ITGB8: variants seen among roughly 807,000 people sequenced by gnomAD.
ITGB8 encodes integrin subunit beta 8.
Under a neutral mutation model 89.5 loss-of-function variants are expected in ITGB8, and 30 were observed. That is an observed-to-expected ratio of 0.34 (90% CI 0.25 to 0.45). The LOEUF is 0.45. Ranked by LOEUF, ITGB8 falls within the 20% of genes least tolerant of loss-of-function variation. The pLI is 1.00. For synonymous variants in ITGB8, 335 were observed against 320.4 expected (o/e 1.05, Z -0.49); for missense variants, 836 against 933.3 (o/e 0.90, Z 1.36).
chr7:20,400,668 G>C (rs1212970232), intron 9 of ITGB8, among the ~76,000 whole-genome samples: 1 of 152,152 alleles, frequency 6.6e-6, no homozygotes, highest in African/African-American at 2.4e-5. Context: ...AATCAATTGT[G>C]TTGTGCAAAA....
At position 20,367,320 on chromosome 7, in the gene ITGB8, A is replaced by T. The variant is rs913791705; in HGVS notation, c.388+134A>T. ...AACCACAGTGGACTCAGAATCAAGA[A>T]ATTAGAATTCTAGTCTTTATAGTGC... On this transcript the variant is annotated intron_variant, in intron 3 of 13. Transcript: ENST00000222573. 4.2e-6 allele frequency: 3 copies of T among 713,142 alleles called. No homozygotes were observed. In the African/African-American group the frequency reaches 5.4e-5, roughly 13 times the overall value. 44.2% of individuals were successfully genotyped at this position (713,142 alleles called of 1,614,324 possible).
rs762991609 is a variant in ITGB8, at chr7:20,379,207, G to A, written c.545G>A (p.Arg182His). The change falls in exon 4 of 14, where the codon CGT becomes CAT. Residue 182 changes from arginine (R) to histidine (H), a missense_variant. Arg to His is a conservative substitution (Grantham distance 29). Transcript: ENST00000222573. ...DLSRKMAFFS[R>H]DFRLGFGSYV... ...TCTAGAAAAATGGCATTTTTCTCCC[G>A]TGACTTTCGTCTTGGATTTGGCTCA... 74 of 1,611,506 alleles carry A rather than the reference G, an allele frequency of 4.6e-5. No individual in the cohort carries two copies. Among genetic ancestry groups the A allele is most frequent in the Middle Eastern group, 1.6e-4 (1 of 6,076 alleles).
intron 1 of ITGB8, among the ~76,000 whole-genome samples, chr7:20,342,496 GA>G: frequency 6.6e-6 from 1 of 152,258 alleles, no homozygotes; most frequent in East Asian, 1.9e-4. Flanking sequence ...TGGTCTAAAT[GA>G]GTTGGTTACA....
At chr7:20,395,411 A>T (rs1224180757) in intron 8 of ITGB8, among the ~76,000 whole-genome samples, 1 of 152,250 alleles carries the variant, frequency 6.6e-6, no homozygotes, top group Non-Finnish European at 1.5e-5. Flanking sequence ...TATTAAGAGG[A>T]GTCGGTTGGG....
rs776893836 is a variant in ITGB8, at chr7:20,398,988, T to A, written c.1275T>A (p.Asn425Lys). 1.2e-6 allele frequency: 2 copies of A among 1,613,212 alleles called. No individual in the cohort carries two copies. Among genetic ancestry groups the A allele is most frequent in the Non-Finnish European group, 1.7e-6 (2 of 1,179,644 alleles). ...GMEGCRNVTSNDEVLFNVTVT... is the reference protein window; with the variant it reads ...GMEGCRNVTSKDEVLFNVTVT... The stretch of plus-strand genomic sequence containing the variant: ...AAGGATGCAGAAACGTGACGAGCAA[T>A]GATGAAGTATGTGGGTGTGCATTTT... Residue 425 changes from asparagine to lysine, a missense_variant, in exon 9 of 14, where the codon AAT becomes AAA. Physicochemically the swap from Asn to Lys is moderately conservative, Grantham distance 94. Transcript: ENST00000222573.
At position 20,407,710 on chromosome 7, in the gene ITGB8, C is replaced by T. The variant is rs533721553; in HGVS notation, c.2023+1539C>T. ...CAAGTGCCTTTCTAATAAATAGGGC[C>T]TTACTATCAACATGTCATTTATTAT... On this transcript the variant is annotated intron_variant, in intron 12 of 13. Transcript: ENST00000222573. Among the ~76,000 whole-genome samples, 13 of 152,280 alleles carry T rather than the reference C, an allele frequency of 8.5e-5. No individual in the cohort carries two copies. The South Asian group carries it at 1.9e-3, about 22-fold the overall frequency.
At position 20,414,884 on chromosome 7, in the gene ITGB8, C is replaced by A. The variant is rs1272864562; in HGVS notation, c.*4887C>A. On this transcript the variant is annotated 3_prime_UTR_variant, in exon 14 of 14. Transcript: ENST00000222573. ...ACTCTATTAATCAGGTTTCTTCTAG[C>A]CTCTGCAACCTACTTCAGTTAGAAT... The A allele has an allele frequency of 6.6e-6, 1 of 152,456 alleles. No individual in the cohort carries two copies. Among genetic ancestry groups the A allele is most frequent in the African/African-American group, 2.4e-5 (1 of 41,402 alleles). 9.4% of individuals were successfully genotyped at this position (152,456 alleles called of 1,614,324 possible). A position where few individuals can be genotyped will look rare whatever the true frequency, so the allele number is the denominator to read the frequency against.
At chr7:20,388,758 G>C (rs1786734002) in intron 6 of ITGB8, among the ~76,000 whole-genome samples, 1 of 151,944 alleles carries the variant, frequency 6.6e-6, no homozygotes, top group Admixed American at 6.6e-5. Context: ...TCTACATTAG[G>C]TATTTCTCCT....
chr7:20,333,163 G>T (rs1272188796), intron 1 of ITGB8, among the ~76,000 whole-genome samples: 1 of 151,978 alleles, frequency 6.6e-6, no homozygotes, highest in Non-Finnish European at 1.5e-5. Context: ...AGAGATATAT[G>T]GAAACATCCA....
intron 1 of ITGB8, among the ~76,000 whole-genome samples, chr7:20,345,716 C>T (rs1264449628): frequency 6.6e-6 from 1 of 152,094 alleles, no homozygotes; most frequent in Non-Finnish European, 1.5e-5. Flanking sequence ...GCTTGTAAGA[C>T]AAGAGGTGGT....
At chr7:20,376,541 C>T (rs897561454) in intron 3 of ITGB8, among the ~76,000 whole-genome samples, 2 of 152,104 alleles carry the variant, frequency 1.3e-5, no homozygotes, top group African/African-American at 4.8e-5. Flanking sequence ...AGGACACCTG[C>T]CCCCAAGAGT....
intron 6 of ITGB8, among the ~76,000 whole-genome samples, chr7:20,386,429 T>G (rs1786626479): frequency 6.8e-6 from 1 of 147,082 alleles, no homozygotes. Context: ...TTTTTTTTTT[T>G]TGGATTTTTT....
intron 1 of ITGB8, among the ~76,000 whole-genome samples, chr7:20,338,200 T>C (rs187977617): frequency 1.5e-4 from 23 of 152,336 alleles, no homozygotes; most frequent in African/African-American, 5.3e-4. Context: ...GGAAGGAAGA[T>C]AGAACTTATT....
chr7:20,360,298 C>T (rs1785449002), intron 1 of ITGB8, among the ~76,000 whole-genome samples: 1 of 150,832 alleles, frequency 6.6e-6, no homozygotes, highest in Admixed American at 6.6e-5. Context: ...GAAACAAAGA[C>T]TGGAGTCCTA....
At chr7:20,373,258 ACTT>A (rs2127953572) in intron 3 of ITGB8, among the ~76,000 whole-genome samples, 1 of 152,208 alleles carries the variant, frequency 6.6e-6, no homozygotes, top group Admixed American at 6.5e-5. Flanking sequence ...TTTACTTTTC[ACTT>A]CTTATAATAT....
At chr7:20,395,667 C>CT (rs1239955695) in intron 8 of ITGB8, among the ~76,000 whole-genome samples, 1 of 152,196 alleles carries the variant, frequency 6.6e-6, no homozygotes, top group Non-Finnish European at 1.5e-5. Flanking sequence ...GTGACTGCTA[C>CT]TTTTTTACCA....
At chr7:20,357,516 G>A (rs1038550458) in intron 1 of ITGB8, among the ~76,000 whole-genome samples, 9 of 152,064 alleles carry the variant, frequency 5.9e-5, no homozygotes, top group African/African-American at 1.9e-4. Context: ...GTGTGTATGT[G>A]TATATAGATA....
chr7:20,381,954 C>T (rs1786416523), intron 6 of ITGB8, 69 bp downstream of exon 6: 4 of 1,346,214 alleles, frequency 3.0e-6, no homozygotes, highest in African/African-American at 2.9e-5. Flanking sequence ...ATTGGCAACT[C>T]AACTATTTTT....
intron 2 of ITGB8, chr7:20,365,474 T>A (rs949714530): frequency 6.6e-6 from 1 of 152,160 alleles, no homozygotes; most frequent in Admixed American, 6.5e-5. Context: ...ACTTTGAACC[T>A]CAGATTTCCA....
Sources: gnomAD v4.1 joint callset for allele counts (sites outside exome capture counted in the v4.1 genomes callset) on GRCh38, gnomAD v4.1.1 for gene constraint, MANE v1.5 for transcripts, NCBI Gene and HGNC (gene_info 2026-07-23, HGNC 2026-07-21) for gene names.